The following KIF4A variants were observed in gnomAD, a reference collection of about 807,000 sequenced individuals.
The protein encoded by KIF4A is kinesin family member 4A.
In KIF4A, 7 loss-of-function variants were observed where a neutral mutation model predicts 105.9. The ratio of observed to expected loss-of-function variants is 0.07; its 90% CI spans 0.04 to 0.12. The LOEUF (loss-of-function observed/expected upper bound fraction) is 0.12. Ranked by LOEUF, KIF4A falls within the 10% of genes least tolerant of loss-of-function variation. KIF4A has a pLI of 1.00. For synonymous variants in KIF4A, 281 were observed against 331.3 expected, an observed-to-expected ratio of 0.85 and a Z score of 1.65; for missense variants, 558 against 929.2, an observed-to-expected ratio of 0.60 and a Z score of 5.19.
intron 22 of KIF4A, among the ~76,000 whole-genome samples, chrX:70,400,144 G>A (rs1259820810): frequency 9.6e-6 from 1 of 103,938 alleles, no homozygotes; most frequent in African/African-American, 3.5e-5. Flanking sequence ...CTAGCATTAG[G>A]TATATCTCCC....
chrX:70,321,305 C>T (rs1464764943), intron 7 of KIF4A, among the ~76,000 whole-genome samples: 9 of 112,274 alleles, frequency 8.0e-5, no homozygotes, highest in Non-Finnish European at 7.5e-5. Flanking sequence ...AACATAGCCA[C>T]GTTTTAAGAC....
At chrX:70,330,131 C>T (rs374648087) in intron 8 of KIF4A, 26 bp from the exon 9 acceptor site, 17 of 1,134,641 alleles carry the variant, frequency 1.5e-5, no homozygotes, top group South Asian at 2.2e-5. Context: ...CATTTCCTTT[C>T]GTTATTCTTT....
intron 1 of KIF4A, 95 bp from the exon 2 acceptor site, chrX:70,290,343 T>TAGA: frequency 7.7e-6 from 8 of 1,035,614 alleles, no homozygotes; most frequent in Admixed American, 2.8e-5. Context: ...CAAGTCAGTG[T>TAGA]TCCCGCTGAG....
chrX:70,301,929 G>T lies in KIF4A; in HGVS notation c.546G>T (p.Leu182Phe). Residue 182 changes from leucine to phenylalanine, a missense_variant, in exon 6 of 31, where the codon TTG becomes TTT. Transcript: ENST00000374403. ...TGGGACTCACTGAGAAGACTGTTTTGGTTGCCTTGGATACTGTTTCCTGTT... is the reference window on the plus strand; with the variant it reads ...TGGGACTCACTGAGAAGACTGTTTTTGTTGCCTTGGATACTGTTTCCTGTT... ...KIVGLTEKTV[L>F]VALDTVSCLE... 3 of 1,210,611 alleles carry T rather than the reference G, an allele frequency of 2.5e-6. No homozygotes were observed. Among genetic ancestry groups the T allele is most frequent in the Non-Finnish European group, 2.2e-6 (2 of 894,897 alleles).
intron 7 of KIF4A, among the ~76,000 whole-genome samples, chrX:70,326,493 C>A (rs2085911368): frequency 8.9e-6 from 1 of 111,903 alleles, no homozygotes; most frequent in Non-Finnish European, 1.9e-5. Flanking sequence ...CTTTTATATT[C>A]CAGCTGTAAA....
chrX:70,362,783 C>T (rs766510529), intron 15 of KIF4A, among the ~76,000 whole-genome samples: 13 of 111,826 alleles, frequency 1.2e-4, no homozygotes, highest in Admixed American at 6.6e-4. Flanking sequence ...CTGCCCGCCT[C>T]GGCCTCCCAA....
chrX:70,354,571 T>G (rs1440618172), intron 15 of KIF4A, among the ~76,000 whole-genome samples: 1 of 112,947 alleles, frequency 8.9e-6, no homozygotes, highest in African/African-American at 3.2e-5. Flanking sequence ...CACTGTACAG[T>G]TGTTCTCACA....
intron 28 of KIF4A, 101 bp downstream of exon 28, chrX:70,407,176 C>T (rs892289884): frequency 2.0e-5 from 18 of 887,025 alleles, no homozygotes; most frequent in South Asian, 1.6e-4. Context: ...GGTGCATTCT[C>T]GGCTCACTGC....
At chrX:70,355,825 A>G (rs2086048829) in intron 15 of KIF4A, among the ~76,000 whole-genome samples, 1 of 111,204 alleles carries the variant, frequency 9.0e-6, no homozygotes, top group South Asian at 3.8e-4. Flanking sequence ...TACAACAAGT[A>G]CTCATGCTTT....
chrX:70,383,391 A>G (rs1023965765), intron 18 of KIF4A, among the ~76,000 whole-genome samples: 7 of 112,021 alleles, frequency 6.2e-5, no homozygotes, highest in Non-Finnish European at 1.3e-4. Flanking sequence ...CTTAGCAAGA[A>G]TGTGGAGACA....
intron 19 of KIF4A, 136 bp from the exon 20 acceptor site, chrX:70,387,048 A>G (rs1489501667): frequency 4.3e-6 from 2 of 469,712 alleles, no homozygotes; most frequent in African/African-American, 2.4e-5. Context: ...CACCAGTGTT[A>G]TGTCCATGGA....
intron 13 of KIF4A, among the ~76,000 whole-genome samples, chrX:70,350,545 T>A (rs916263040): frequency 1.8e-5 from 2 of 108,156 alleles, no homozygotes; most frequent in Non-Finnish European, 3.8e-5. Context: ...GGGAGCTGGG[T>A]GTGGTGGTGC....
At chrX:70,372,522 A>G (rs1022185616) in intron 15 of KIF4A, among the ~76,000 whole-genome samples, 1 of 114,308 alleles carries the variant, frequency 8.7e-6, no homozygotes, top group Non-Finnish European at 1.9e-5. Flanking sequence ...GCGCGCCTGC[A>G]ATCGCAGGCA....
chrX:70,417,334 T>C (rs2086348465), intron 28 of KIF4A, among the ~76,000 whole-genome samples: 2 of 109,675 alleles, frequency 1.8e-5, no homozygotes, highest in South Asian at 7.9e-4. Context: ...GAAACCCCCG[T>C]CTCTACTAAA....
At chrX:70,392,220 T>G (rs992368084) in intron 20 of KIF4A, among the ~76,000 whole-genome samples, 8 of 111,908 alleles carry the variant, frequency 7.1e-5, no homozygotes, top group Non-Finnish European at 1.3e-4. Context: ...CTGGAAGATT[T>G]TGTGCAGAAT....
rs1358512009 is a variant in KIF4A at position 70,290,577 on chromosome X, A to G, written c.119A>G (p.Gln40Arg). 8.3e-7 allele frequency: 1 copy of G among 1,209,176 alleles called. No homozygotes were observed. Among genetic ancestry groups the G allele is most frequent in the Non-Finnish European group, 1.1e-6 (1 of 894,847 alleles). The change falls in exon 2 of 31, where the codon CAG becomes CGG. Residue 40 changes from glutamine (Q) to arginine (R), a missense_variant and splice_region_variant. By Grantham distance (43) the Gln-to-Arg change is conservative (BLOSUM62 1). This residue lies in a region of KIF4A where 89 missense variants were observed against 248.8 expected (regional missense o/e 0.36). Transcript: ENST00000374403. ...CTTTCCTTCGTGCCCGGAGAGCCTCAGGTGCGTAGCAGAGTCCAGAGCCTG... is the reference window on the plus strand; with the variant it reads ...CTTTCCTTCGTGCCCGGAGAGCCTCGGGTGCGTAGCAGAGTCCAGAGCCTG... ...MCLSFVPGEP[Q>R]VVVGTDKSFT...
intron 18 of KIF4A, among the ~76,000 whole-genome samples, chrX:70,380,737 T>C (rs1602790657): frequency 8.9e-6 from 1 of 112,441 alleles, no homozygotes; most frequent in South Asian, 3.7e-4. Flanking sequence ...GAAGCAAGAC[T>C]ATCTCTGTTT....
At chrX:70,381,834 T>A (rs1271036478) in intron 18 of KIF4A, among the ~76,000 whole-genome samples, 3 of 111,422 alleles carry the variant, frequency 2.7e-5, no homozygotes, top group Non-Finnish European at 5.6e-5. Context: ...TTCTAAAATA[T>A]ATATGGAAAT....
chrX:70,359,603 G>A (rs1156389694), intron 15 of KIF4A, among the ~76,000 whole-genome samples: 3 of 110,310 alleles, frequency 2.7e-5, no homozygotes, highest in Non-Finnish European at 5.7e-5. Flanking sequence ...TTGGCCTTAG[G>A]GTGTGAATCT....
Sources: gnomAD v4.1 joint callset for allele counts (sites outside exome capture counted in the v4.1 genomes callset) on GRCh38, gnomAD v4.1.1 for gene constraint, gnomAD v4.1.1 regional missense constraint, MANE v1.5 for transcripts, NCBI Gene and HGNC (gene_info 2026-07-23, HGNC 2026-07-21) for gene names.